Variants in EHMT1 observed in about 807,000 individuals in gnomAD.
The protein encoded by EHMT1 is euchromatic histone lysine methyltransferase 1, also known as histone-lysine N-methyltransferase EHMT1.
A neutral mutation model predicts 147.2 loss-of-function variants in EHMT1; 15 were observed. That is an observed-to-expected ratio of 0.10 (90% CI 0.07 to 0.16). The LOEUF (loss-of-function observed/expected upper bound fraction) is 0.16, where lower values mean the gene tolerates loss of function less well. Among genes scored for constraint, EHMT1 ranks in the 10% least tolerant of loss-of-function variants. EHMT1 has a pLI of 1.00. For synonymous variants in EHMT1, 795 were observed against 709.6 expected (o/e 1.12, Z -1.91); for missense variants, 1,587 against 1,772.4 (o/e 0.90, Z 1.88).
At chr9:137,625,213 A>G (rs941245157) in intron 1 of EHMT1, among the ~76,000 whole-genome samples, 1 of 152,148 alleles carries the variant, frequency 6.6e-6, no homozygotes, top group African/African-American at 2.4e-5. Context: ...GTTTGCAAGC[A>G]CTATTCCCTT....
rs900026301 is a variant in EHMT1, at chr9:137,782,998, G to C, written c.2382+601G>C. The stretch of plus-strand genomic sequence containing the variant: ...GGATCCCCTGTTTCTCAAGTGCCAG[G>C]TTTGAGTCTGGTGCAGTCTGACTTC... On this transcript the variant is annotated intron_variant, in intron 15 of 26. Coordinates refer to ENST00000460843, the MANE Select transcript of EHMT1 (RefSeq NM_024757.5). The surrounding 1 kb of genome is among the most constrained non-coding windows in gnomAD (Gnocchi z 5.7). Among the ~76,000 whole-genome samples, 2 of 152,214 alleles carry C rather than the reference G, an allele frequency of 1.3e-5. No homozygotes were observed. The highest frequency in any genetic ancestry group is 2.9e-5 in the Non-Finnish European group (2 of 68,042).
chr9:137,819,611 CCGATTGAGGGGCGCCGTGTACCGAGACT>C (rs1955229117), intron 25 of EHMT1, among the ~76,000 whole-genome samples: 3 of 126,790 alleles, frequency 2.4e-5, no homozygotes, highest in African/African-American at 4.0e-5. Context: ...TGTAGAGAGG[CCGATTGAGGGGCGCCGTGTACCGAGACT>C]GTAGAGAGGC....
At chr9:137,768,901 G>A (rs773615729) in intron 10 of EHMT1, among the ~76,000 whole-genome samples, 2 of 151,988 alleles carry the variant, frequency 1.3e-5, no homozygotes, top group African/African-American at 4.8e-5. Context: ...TGGCCAGGCT[G>A]GTCTCGAACT....
chr9:137,833,676 C>A (rs1204746403), intron 25 of EHMT1, among the ~76,000 whole-genome samples: 1 of 152,258 alleles, frequency 6.6e-6, no homozygotes, highest in African/African-American at 2.4e-5. Flanking sequence ...GGCCAGGGCC[C>A]AGGGCCATGT....
At chr9:137,812,022 G>A (rs185934686) in intron 19 of EHMT1, among the ~76,000 whole-genome samples, 231 of 152,256 alleles carry the variant, frequency 1.5e-3, no homozygotes, top group African/African-American at 5.3e-3. Context: ...TGTGGCACTC[G>A]CCACTCAGGG....
chr9:137,631,340 T>C (rs990298521), intron 1 of EHMT1, among the ~76,000 whole-genome samples: 16 of 150,956 alleles, frequency 1.1e-4, no homozygotes, highest in South Asian at 4.2e-4. Context: ...TGCAGTGACC[T>C]GAGATCGTGC....
intron 1 of EHMT1, among the ~76,000 whole-genome samples, chr9:137,632,206 C>T (rs140708543): frequency 1.9e-4 from 29 of 152,254 alleles, no homozygotes; most frequent in African/African-American, 7.0e-4. Context: ...ACTGTCCTGT[C>T]GAGGGGTTCG....
At chr9:137,784,453 T>C in intron 15 of EHMT1, 1 of 1,139,684 alleles carries the variant, frequency 8.8e-7, no homozygotes, top group Non-Finnish European at 1.1e-6. Flanking sequence ...GAATTGGTTT[T>C]ATTTCGATTT....
At chr9:137,752,497 T>G (rs1339740653) in intron 7 of EHMT1, 89 bp downstream of exon 7, 1 of 1,475,400 alleles carries the variant, frequency 6.8e-7, no homozygotes, top group African/African-American at 1.4e-5. Context: ...CCAACAACCC[T>G]TGTTGCCTGA....
chr9:137,776,740 A>G lies in EHMT1; in HGVS notation c.1914A>G (p.Lys638=). 6.2e-7 allele frequency: 1 copy of G among 1,614,044 alleles called. No individual in the cohort carries two copies. The highest frequency in any genetic ancestry group is 1.1e-5 in the South Asian group (1 of 91,068). ...GTGGGGAGGAGAGCTCCAAGGCCAA[A>G]GAGGTGACGATAGCTAAAGCAGACA... ...PHCGEESSKA[K]EVTIAKADTT... Residue 638 remains lysine (K), a synonymous_variant, in exon 12 of 27, where the codon AAA becomes AAG. Transcript: ENST00000460843. The surrounding 1 kb of genome is among the most constrained non-coding windows in gnomAD (Gnocchi z 4.4).
intron 1 of EHMT1, chr9:137,641,443 G>T (rs1221083961): frequency 9.5e-6 from 5 of 525,894 alleles, no homozygotes; most frequent in Non-Finnish European, 1.9e-5. Flanking sequence ...AAACAATGCA[G>T]TGCCTCTTCA....
rs527741655 is a variant in EHMT1 at position 137,835,987 on chromosome 9, C to T, written c.*1034C>T. 6.6e-6 allele frequency: 1 copy of T among 152,424 alleles called. No individual in the cohort carries two copies. The highest frequency in any genetic ancestry group is 1.5e-5 in the Non-Finnish European group (1 of 68,012). The allele number at this position is 152,424 out of a possible 1,614,324, so 9.4% of individuals were successfully genotyped here. A position where few individuals can be genotyped will look rare whatever the true frequency, so the allele number is the denominator to read the frequency against. ...ACAGTGGGGTTTTTTTTGTGCAACT[C>T]TTCTAAAAACATTCATAATGCAGTC... is the stretch of plus-strand genomic sequence containing the variant. On this transcript the variant is annotated 3_prime_UTR_variant, in exon 27 of 27. Coordinates refer to ENST00000460843, the MANE Select transcript of EHMT1 (RefSeq NM_024757.5).
chr9:137,800,500 T>C (rs1387862296), intron 17 of EHMT1: 2 of 284,076 alleles, frequency 7.0e-6, no homozygotes, highest in African/African-American at 2.2e-5. Flanking sequence ...GCTGGTGCGC[T>C]CCGGGTCTGG....
At chr9:137,623,673 G>A (rs1271287532) in intron 1 of EHMT1, among the ~76,000 whole-genome samples, 1 of 152,010 alleles carries the variant, frequency 6.6e-6, no homozygotes, top group Non-Finnish European at 1.5e-5. Context: ...TGCCCACTTC[G>A]GCCTCCTAAA....
At chr9:137,637,114 G>A (rs996303094) in intron 1 of EHMT1, among the ~76,000 whole-genome samples, 1 of 151,722 alleles carries the variant, frequency 6.6e-6, no homozygotes, top group Non-Finnish European at 1.5e-5. Flanking sequence ...AGTCAGGATG[G>A]TCTCGATCTC....
At chr9:137,736,195 TAAA>T (rs1351548430) in intron 4 of EHMT1, among the ~76,000 whole-genome samples, 2 of 151,976 alleles carry the variant, frequency 1.3e-5, no homozygotes, top group Non-Finnish European at 2.9e-5. Flanking sequence ...TCTTTTTAAA[TAAA>T]AAAAGGTTAC....
At chr9:137,725,045 T>G (rs1170507725) in intron 3 of EHMT1, among the ~76,000 whole-genome samples, 3 of 134,774 alleles carry the variant, frequency 2.2e-5, no homozygotes, top group East Asian at 4.4e-4. Flanking sequence ...CGTGGGGCAT[T>G]CGTGGGGCAG....
chr9:137,834,730 C>A (rs766370802), intron 26 of EHMT1, 43 bp from the exon 27 acceptor site: 3 of 1,612,872 alleles, frequency 1.9e-6, no homozygotes, highest in Non-Finnish European at 2.5e-6. Context: ...TGGGAGGTGC[C>A]GGTGGGATTC....
chr9:137,695,961 G>C (rs1943365525), intron 1 of EHMT1, among the ~76,000 whole-genome samples: 1 of 152,194 alleles, frequency 6.6e-6, no homozygotes, highest in Non-Finnish European at 1.5e-5. Context: ...AGTAGGGACG[G>C]GGCCACCTTT....
Sources: gnomAD v4.1 joint callset for allele counts (sites outside exome capture counted in the v4.1 genomes callset) on GRCh38, gnomAD v4.1.1 for gene constraint, Gnocchi (gnomAD v3.1) non-coding constraint, MANE v1.5 for transcripts, NCBI Gene and HGNC (gene_info 2026-07-23, HGNC 2026-07-21) for gene names.